Variants in ANO1 observed in about 807,000 individuals in gnomAD.
ANO1 encodes the protein anoctamin-1.
ANO1 carries 59 observed loss-of-function variants against 124.0 expected under a neutral mutation model. The observed-to-expected ratio is 0.48, with a 90% CI of 0.39 to 0.59. ANO1 has a LOEUF of 0.59. Among genes scored for constraint, ANO1 ranks in the 20% least tolerant of loss-of-function variants. The probability of loss-of-function intolerance (pLI) is 0.00; values close to 1 mark genes in which losing one functional copy is unlikely to be tolerated. For missense variants in ANO1, 1,059 were observed against 1,328.0 expected (o/e 0.80, Z 3.15); for synonymous variants, 529 against 532.0 (o/e 0.99, Z 0.08).
chr11:69,988,783 G>T (rs1437836256), intron 1 of ANO1, among the ~76,000 whole-genome samples: 1 of 152,090 alleles, frequency 6.6e-6, no homozygotes, highest in African/African-American at 2.4e-5. Flanking sequence ...CCCTCCACTG[G>T]GACATGTCTG....
chr11:70,181,502 C>A (rs2048928337), intron 23 of ANO1, among the ~76,000 whole-genome samples: 1 of 152,236 alleles, frequency 6.6e-6, no homozygotes, highest in South Asian at 2.1e-4. Flanking sequence ...GCGCGCAGGG[C>A]CCTGAGGCAG....
At chr11:69,981,563 A>G (rs1295420870), upstream of ANO1, among the ~76,000 whole-genome samples, 1 of 152,184 alleles carries the variant, frequency 6.6e-6, no homozygotes, top group African/African-American at 2.4e-5. Context: ...TCTGTATCAG[A>G]GCGGAGGACT....
chr11:69,995,393 G>A (rs933206704), intron 1 of ANO1, among the ~76,000 whole-genome samples: 3 of 152,046 alleles, frequency 2.0e-5, no homozygotes, highest in African/African-American at 4.8e-5. Context: ...CACCATGCCC[G>A]GCCACTGGCA....
chr11:70,002,472 AAAAAACACC>A (rs1201775145), intron 1 of ANO1, among the ~76,000 whole-genome samples: 1 of 151,544 alleles, frequency 6.6e-6, no homozygotes, highest in Non-Finnish European at 1.5e-5. Context: ...AAAAAAAAAA[AAAAAACACC>A]AAAAAAACAC....
upstream of ANO1, among the ~76,000 whole-genome samples, chr11:69,982,062 C>T (rs1855964508): frequency 6.6e-6 from 1 of 152,034 alleles, no homozygotes; most frequent in Admixed American, 6.6e-5. Flanking sequence ...CTAGCGGGTT[C>T]GAGCTGTACT....
chr11:70,067,665 G>A (rs1167143412), intron 1 of ANO1, among the ~76,000 whole-genome samples: 10 of 152,076 alleles, frequency 6.6e-5, no homozygotes, highest in Admixed American at 2.0e-4. Flanking sequence ...CCCAGTGCCC[G>A]GCAACCTTGA....
At chr11:70,001,893 G>A (rs1554999335) in intron 1 of ANO1, among the ~76,000 whole-genome samples, 1 of 151,980 alleles carries the variant, frequency 6.6e-6, no homozygotes, top group African/African-American at 2.4e-5. Flanking sequence ...TCTGCTTCTC[G>A]AGTTCAAGCA....
At chr11:69,994,064 T>C (rs1475753186) in intron 1 of ANO1, among the ~76,000 whole-genome samples, 4 of 149,556 alleles carry the variant, frequency 2.7e-5, no homozygotes, top group Non-Finnish European at 5.9e-5. Context: ...TCCAGGCTTG[T>C]TTTTGCCAAT....
At position 70,161,663 on chromosome 11, in the gene ANO1, T is replaced by C; in HGVS notation, c.1822T>C (p.Phe608Leu). ...GAAAAGCTTTGAGGAGAGGCTGATC[T>C]TCAAGGCTTTCCTGCTGAAGTTTGT... ...TEKSFEERLI[F>L]KAFLLKFVNS... Residue 608 changes from phenylalanine to leucine, a missense_variant, in exon 18 of 26, where the codon TTC becomes CTC. This residue lies in a region of ANO1 where 809 missense variants were observed against 1,094.9 expected (regional missense o/e 0.74). Transcript: ENST00000355303. 6.2e-7 allele frequency: 1 copy of C among 1,614,022 alleles called. No homozygotes were observed. The highest frequency in any genetic ancestry group is 8.5e-7 in the Non-Finnish European group (1 of 1,179,886).
intron 22 of ANO1, among the ~76,000 whole-genome samples, chr11:70,171,842 C>G (rs2135770845): frequency 6.6e-6 from 1 of 152,248 alleles, no homozygotes; most frequent in Admixed American, 6.5e-5. Flanking sequence ...ATGGTGCGTT[C>G]CTGTAGTCCC....
At chr11:70,104,965 C>T (rs933234066) in intron 4 of ANO1, among the ~76,000 whole-genome samples, 2 of 152,118 alleles carry the variant, frequency 1.3e-5, no homozygotes, top group Admixed American at 6.5e-5. Flanking sequence ...ATTCCTAGAG[C>T]GGACAGGACA....
intron 1 of ANO1, among the ~76,000 whole-genome samples, chr11:70,017,711 G>A (rs577202821): frequency 2.0e-3 from 297 of 151,704 alleles, no homozygotes; most frequent in African/African-American, 6.7e-3. Context: ...TGGAGACAGG[G>A]TCTCACTATA....
chr11:70,102,998 A>G, intron 2 of ANO1, 68 bp from the exon 3 acceptor site: 1 of 1,134,764 alleles, frequency 8.8e-7, no homozygotes, highest in Non-Finnish European at 1.3e-6. Context: ...TGGCCTCTGA[A>G]GATCAAGGTG....
At chr11:70,005,677 GT>G (rs1278532232) in intron 1 of ANO1, among the ~76,000 whole-genome samples, 2 of 152,150 alleles carry the variant, frequency 1.3e-5, no homozygotes, top group African/African-American at 4.8e-5. Context: ...TCACAAGTGA[GT>G]TGACCAATCC....
At chr11:70,055,624 A>T (rs782017970) in intron 1 of ANO1, among the ~76,000 whole-genome samples, 1 of 152,064 alleles carries the variant, frequency 6.6e-6, no homozygotes, top group Non-Finnish European at 1.5e-5. Context: ...TCAGTCTGAT[A>T]ACTTTGTCAT....
chr11:69,977,340 T>A, the ANO1 span, among the ~76,000 whole-genome samples: 1 of 152,186 alleles, frequency 6.6e-6, no homozygotes, highest in East Asian at 1.9e-4. Flanking sequence ...ACTCAGATGT[T>A]CTAAACCATG....
intron 1 of ANO1, among the ~76,000 whole-genome samples, chr11:70,054,480 G>A (rs1555006610): frequency 2.0e-5 from 3 of 152,354 alleles, no homozygotes; most frequent in Non-Finnish European, 4.4e-5. Context: ...TCAGCTGCTG[G>A]CACACATCTC....
At chr11:70,156,344 A>G (rs1352874728) in intron 15 of ANO1, among the ~76,000 whole-genome samples, 2 of 152,082 alleles carry the variant, frequency 1.3e-5, no homozygotes. Context: ...GACCTAATAC[A>G]TGCATTTTCC....
At chr11:70,059,348 CAAAAAAAAAAAAA>C (rs1192273449) in intron 1 of ANO1, among the ~76,000 whole-genome samples, 1 of 75,108 alleles carries the variant, frequency 1.3e-5, no homozygotes, top group Non-Finnish European at 2.4e-5. Context: ...GAGACACTGT[CAAAAAAAAAAAAA>C]AAAAAAAAGC....
Sources: gnomAD v4.1 joint callset for allele counts (sites outside exome capture counted in the v4.1 genomes callset) on GRCh38, gnomAD v4.1.1 for gene constraint, gnomAD v4.1.1 regional missense constraint, MANE v1.5 for transcripts, NCBI Gene and HGNC (gene_info 2026-07-23, HGNC 2026-07-21) for gene names.